PASD1: variants seen among roughly 807,000 people sequenced by gnomAD.
PASD1 encodes the protein PAS domain containing repressor 1.
PASD1 carries 13 observed loss-of-function variants against 58.8 expected under a neutral mutation model. That is an observed-to-expected ratio of 0.22 (90% CI 0.14 to 0.35). PASD1 has a LOEUF of 0.35. Among genes scored for constraint, PASD1 ranks in the 10% least tolerant of loss-of-function variants. PASD1 has a pLI of 1.00. For missense variants in PASD1, 734 were observed against 568.3 expected (o/e 1.29, Z -2.96); for synonymous variants, 236 against 216.7 (o/e 1.09, Z -0.78).
intron 4 of PASD1, among the ~76,000 whole-genome samples, chrX:151,619,976 A>G (rs1169549414): frequency 1.8e-5 from 2 of 110,888 alleles, no homozygotes; most frequent in Non-Finnish European, 1.9e-5. Flanking sequence ...TTTGTACATA[A>G]CTCCAGATAA....
At chrX:151,666,631 G>A (rs868790006) in intron 11 of PASD1, among the ~76,000 whole-genome samples, 45 of 90,529 alleles carry the variant, frequency 5.0e-4, no homozygotes, top group Middle Eastern at 0.01. Flanking sequence ...GAGAACATGC[G>A]GTGTTTGGTT....
At chrX:151,652,128 C>T (rs996100346) in intron 9 of PASD1, among the ~76,000 whole-genome samples, 1 of 111,957 alleles carries the variant, frequency 8.9e-6, no homozygotes, top group Non-Finnish European at 1.9e-5. Flanking sequence ...GTGGATTCAT[C>T]AGTTAACAAA....
intron 4 of PASD1, among the ~76,000 whole-genome samples, chrX:151,612,022 T>C (rs1478894907): frequency 5.8e-5 from 5 of 85,980 alleles, no homozygotes; most frequent in Non-Finnish European, 1.1e-4. Flanking sequence ...CCTGTGTCCA[T>C]GTGTTCTCAT....
chrX:151,620,851 A>G (rs2013696860), intron 4 of PASD1, 79 bp from the exon 5 acceptor site: 1 of 597,938 alleles, frequency 1.7e-6, no homozygotes, highest in African/African-American at 2.4e-5. Context: ...ACTGAACAGT[A>G]TTAACACAGA....
chrX:151,599,316 G>C (rs77890796), intron 1 of PASD1, among the ~76,000 whole-genome samples: 1 of 112,925 alleles, frequency 8.9e-6, no homozygotes, highest in East Asian at 2.8e-4. Flanking sequence ...ATCATGGCCC[G>C]TTCTCAATGA....
intron 1 of PASD1, among the ~76,000 whole-genome samples, chrX:151,571,226 G>A (rs2012923069): frequency 8.9e-6 from 1 of 112,153 alleles, no homozygotes; most frequent in African/African-American, 3.2e-5. Flanking sequence ...AAATTGAGGT[G>A]CCATAGAGTT....
At chrX:151,582,050 G>A (rs1270277119) in intron 1 of PASD1, among the ~76,000 whole-genome samples, 3 of 90,283 alleles carry the variant, frequency 3.3e-5, no homozygotes, top group African/African-American at 1.3e-4. Context: ...GCAGTGGCAC[G>A]ATCTCAGCTC....
At chrX:151,636,187 G>A (rs2013928296) in intron 8 of PASD1, among the ~76,000 whole-genome samples, 1 of 110,564 alleles carries the variant, frequency 9.0e-6, no homozygotes, top group Non-Finnish European at 1.9e-5. Flanking sequence ...TATATACTCT[G>A]TTGATTCTGC....
chrX:151,659,960 A>G (rs1602960752), intron 10 of PASD1, 124 bp downstream of exon 10: 6 of 599,959 alleles, frequency 1.0e-5, no homozygotes, highest in Non-Finnish European at 1.4e-5. Flanking sequence ...GTGAATTCCA[A>G]CTTTCTTCAT....
chrX:151,657,760 A>G (rs749781845), intron 9 of PASD1, among the ~76,000 whole-genome samples: 14 of 108,061 alleles, frequency 1.3e-4, no homozygotes, highest in African/African-American at 4.7e-4. Flanking sequence ...TTTCTTCTTT[A>G]TTAGTCTTGC....
intron 11 of PASD1, among the ~76,000 whole-genome samples, chrX:151,670,219 C>T (rs1277632688): frequency 8.9e-6 from 1 of 111,739 alleles, no homozygotes; most frequent in Non-Finnish European, 1.9e-5. Flanking sequence ...GCACAGCTGC[C>T]AGAAGGCATG....
rs751275851 is a variant in PASD1, at chrX:151,611,708, C to A, written c.162C>A (p.Ile54=). Residue 54 remains isoleucine, a synonymous_variant, in exon 4 of 16, where the codon ATC becomes ATA. Transcript: ENST00000370357. ...FMITLSTDGV[I]ICVAENISSL... is the part of the protein sequence containing the mutation. Reference sequence around the variant, plus strand: ...TTACACTGAGCACAGATGGAGTGATCATTTGTGTGGCTGAAAACATCTCTT... The same window carrying A: ...TTACACTGAGCACAGATGGAGTGATAATTTGTGTGGCTGAAAACATCTCTT... 8.3e-7 allele frequency: 1 copy of A among 1,207,339 alleles called. No homozygotes were observed. The highest frequency in any genetic ancestry group is 1.8e-5 in the South Asian group (1 of 56,018).
At chrX:151,579,856 G>A (rs2013059274) in intron 1 of PASD1, among the ~76,000 whole-genome samples, 1 of 111,581 alleles carries the variant, frequency 9.0e-6, no homozygotes, top group African/African-American at 3.3e-5. Flanking sequence ...AAATATAATG[G>A]GTGAAAATAG....
chrX:151,624,193 G>C (rs1038468322), intron 7 of PASD1, among the ~76,000 whole-genome samples: 3 of 111,509 alleles, frequency 2.7e-5, no homozygotes, highest in African/African-American at 9.8e-5. Context: ...ATGTATTTTG[G>C]AGGTAGTGCC....
intron 1 of PASD1, among the ~76,000 whole-genome samples, chrX:151,597,130 T>G (rs150654186): frequency 8.9e-6 from 1 of 112,158 alleles, no homozygotes. Flanking sequence ...TTTTTGATGC[T>G]GCCTTTCTCT....
intron 1 of PASD1, among the ~76,000 whole-genome samples, chrX:151,598,679 C>T (rs910003255): frequency 9.0e-6 from 1 of 111,663 alleles, no homozygotes; most frequent in Admixed American, 9.5e-5. Context: ...ATTGTTCAAT[C>T]CATCTTTTAA....
At chrX:151,564,803 C>T (rs1302436849) in intron 1 of PASD1, among the ~76,000 whole-genome samples, 1 of 110,452 alleles carries the variant, frequency 9.1e-6, no homozygotes, top group Admixed American at 9.6e-5. Flanking sequence ...CCTGGGAGTT[C>T]GAGGTTGCAG....
chrX:151,567,575 C>G (rs1242875287), intron 1 of PASD1, among the ~76,000 whole-genome samples: 2 of 111,778 alleles, frequency 1.8e-5, no homozygotes, highest in Non-Finnish European at 3.8e-5. Flanking sequence ...GCTGCTGTCT[C>G]TAGTCATGCT....
intron 3 of PASD1, among the ~76,000 whole-genome samples, chrX:151,606,734 A>G (rs2013493687): frequency 9.1e-6 from 1 of 110,225 alleles, no homozygotes; most frequent in African/African-American, 3.3e-5. Flanking sequence ...CTCAGAGCAA[A>G]CCGTCTCAGT....
Sources: allele counts gnomAD v4.1 joint callset (sites outside exome capture counted in the v4.1 genomes callset), GRCh38; gene constraint gnomAD v4.1.1; transcripts MANE v1.5; gene names NCBI Gene and HGNC (gene_info 2026-07-23, HGNC 2026-07-21).